CLDN14: variants seen among roughly 807,000 people sequenced by gnomAD.
CLDN14 encodes claudin 14, also known as claudin-14.
A neutral mutation model predicts 2.1 loss-of-function variants in CLDN14; 2 were observed. That is an observed-to-expected ratio of 0.96 (90% CI 0.39 to 3.01). The LOEUF is 3.01. CLDN14 is among the 30% of genes most tolerant of loss of function. CLDN14 has a pLI of 0.09. For missense variants in CLDN14, 298 were observed against 328.0 expected (o/e 0.91, Z 0.71); for synonymous variants, 136 against 154.4 (o/e 0.88, Z 0.88).
rs117833343 is a variant in CLDN14, at chr21:36,486,628, G to T, written c.-82+23735C>A. 8.5e-3 allele frequency: 13,027 copies of T among 1,527,266 alleles called. 74 individuals carry two copies. The highest frequency in any genetic ancestry group is 0.01 in the Non-Finnish European group (11,353 of 1,100,666). 94.6% of individuals were successfully genotyped at this position (1,527,266 alleles called of 1,614,324 possible). A position where few individuals can be genotyped will look rare whatever the true frequency, so the allele number is the denominator to read the frequency against. On this transcript the variant is annotated intron_variant, in intron 2 of 2. Coordinates refer to the CLDN14 transcript ENST00000342108. ...CGCTTCCATCTTTGCCATTCAACGT[G>T]TTTACAAAGGCTGTCAGCTTTTCTC...
chr21:36,530,771 G>A (rs1051205490), intron 1 of CLDN14, among the ~76,000 whole-genome samples: 2 of 152,122 alleles, frequency 1.3e-5, no homozygotes, highest in African/African-American at 2.4e-5. Flanking sequence ...AGATGTACCC[G>A]GGGGAGTTTG....
At position 36,498,042 on chromosome 21, in the gene CLDN14, C is replaced by T. The variant is rs1014058756; in HGVS notation, c.-82+12321G>A. Among the ~76,000 whole-genome samples the T allele has an allele frequency of 1.4e-4, 21 of 151,904 alleles. No individual in the cohort carries two copies. The highest frequency in any genetic ancestry group is 2.1e-4 in the Non-Finnish European group (14 of 68,008). The stretch of plus-strand genomic sequence containing the variant: ...TGAGATGGAGTTTTGCTCTGTTGCC[C>T]AGGCTGGAGTGCAGTGGTGCAATCT... On this transcript the variant is annotated intron_variant, in intron 2 of 2. Coordinates refer to the CLDN14 transcript ENST00000342108. The surrounding 1 kb of genome is among the most constrained non-coding windows in gnomAD (Gnocchi z 4.9).
chr21:36,541,497 T>C (rs2087487963), intron 1 of CLDN14, among the ~76,000 whole-genome samples: 1 of 152,170 alleles, frequency 6.6e-6, no homozygotes, highest in South Asian at 2.1e-4. Flanking sequence ...AAAGGGAAAG[T>C]TGAGTTTTAT....
chr21:36,486,066 C>T, intron 2 of CLDN14: 2 of 1,405,872 alleles, frequency 1.4e-6, no homozygotes, highest in South Asian at 1.2e-5. Flanking sequence ...TTTCAAATGG[C>T]TTCATTGTTG....
intron 1 of CLDN14, among the ~76,000 whole-genome samples, chr21:36,563,905 T>C (rs1259780554): frequency 1.3e-5 from 2 of 152,224 alleles, no homozygotes; most frequent in African/African-American, 2.4e-5. Context: ...ATTTGAATTA[T>C]GTTATCAAAA....
intron 1 of CLDN14, among the ~76,000 whole-genome samples, chr21:36,519,109 AG>A (rs1407244129): frequency 6.6e-6 from 1 of 152,192 alleles, no homozygotes; most frequent in Non-Finnish European, 1.5e-5. Flanking sequence ...CAGAACAGGA[AG>A]GGGTCATCTA....
intron 1 of CLDN14, among the ~76,000 whole-genome samples, chr21:36,519,730 C>CAA (rs886303536): frequency 3.2e-4 from 35 of 108,280 alleles, no homozygotes; most frequent in African/African-American, 9.9e-4. Flanking sequence ...ACAACAACAA[C>CAA]AACAAAACCC....
In CLDN14 at chr21:36,486,449, A is replaced by C. The variant is rs142812656; in HGVS notation, c.-82+23914T>G. 5.1e-5 allele frequency: 77 copies of C among 1,504,026 alleles called. No individual in the cohort carries two copies. The African/African-American group carries it at 9.7e-4, about 19-fold the overall frequency. The allele number at this position is 1,504,026 out of a possible 1,614,324, so 93.2% of individuals were successfully genotyped here. On this transcript the variant is annotated intron_variant, in intron 2 of 2. Coordinates refer to the CLDN14 transcript ENST00000342108. ...GCTCCTCCATAGAAACCCGAGGGCC[A>C]AGGCCAGCTGAGGATCAGCACTGGG...
intron 1 of CLDN14, among the ~76,000 whole-genome samples, chr21:36,558,555 A>G (rs1317935847): frequency 6.6e-6 from 1 of 152,208 alleles, no homozygotes; most frequent in Admixed American, 6.5e-5. Flanking sequence ...TTATAAAGAC[A>G]GGAAAGGAAT....
In CLDN14 at chr21:36,506,064, A is replaced by G. The variant is rs557502273; in HGVS notation, c.-82+4299T>C. On this transcript the variant is annotated intron_variant, in intron 2 of 2. Coordinates refer to the CLDN14 transcript ENST00000342108. ...ACTCCTAAAGTAAGCAAAGACATAA[A>G]TAATACAGGATTCAATACTCTCTGG... Among the ~76,000 whole-genome samples the G allele has an allele frequency of 2.6e-5, 4 of 152,354 alleles. No homozygotes were observed. In the East Asian group the frequency reaches 7.7e-4, roughly 29 times the overall value.
intron 1 of CLDN14, among the ~76,000 whole-genome samples, chr21:36,553,682 C>A (rs530123426): frequency 1.3e-5 from 2 of 151,942 alleles, no homozygotes; most frequent in African/African-American, 4.8e-5. Context: ...CTGACATTGG[C>A]GGTCTCACTG....
rs143849495 is a variant in CLDN14, at chr21:36,495,840, C to T, written c.-82+14523G>A. Among the ~76,000 whole-genome samples, 132 of 152,268 alleles carry T rather than the reference C, an allele frequency of 8.7e-4. No homozygotes were observed. The Middle Eastern group carries it at 0.017, about 20-fold the overall frequency. ...GATTAGGGTGGTCCCTACACCAATG[C>T]CACTGGTGTCCTTATAAGAGCAGAG... On this transcript the variant is annotated intron_variant, in intron 2 of 2. Coordinates refer to the CLDN14 transcript ENST00000342108.
chr21:36,468,195 C>T (rs1222088547), intron 1 of CLDN14, among the ~76,000 whole-genome samples: 1 of 152,198 alleles, frequency 6.6e-6, no homozygotes, highest in Non-Finnish European at 1.5e-5. Flanking sequence ...TGATGTTCAG[C>T]CACTTCAGAA....
chr21:36,554,854 G>A lies in CLDN14; in HGVS notation c.-220+21557C>T, dbSNP rs546261286. Among the ~76,000 whole-genome samples, 4 of 152,300 alleles carry A rather than the reference G, an allele frequency of 2.6e-5. No homozygotes were observed. In the South Asian group the frequency reaches 8.3e-4, roughly 32 times the overall value. Reference sequence around the variant, plus strand: ...CTGCCTCTGCAGCACTGACAGGCCTGGGAAGGGTCTGCAAAGTCTGATGGT... The same window carrying A: ...CTGCCTCTGCAGCACTGACAGGCCTAGGAAGGGTCTGCAAAGTCTGATGGT... On this transcript the variant is annotated intron_variant, in intron 1 of 2. Coordinates refer to the CLDN14 transcript ENST00000342108.
Position 36,539,484 on chromosome 21 carries a change from ATGTG to A in CLDN14, c.-219-28988_-219-28985del, listed in dbSNP as rs374017154. 3.3e-3 allele frequency among the ~76,000 whole-genome samples: 207 copies of A among 63,044 alleles called. No individual in the cohort carries two copies. The Middle Eastern group carries it at 0.068, about 21-fold the overall frequency. The allele number at this position is 63,044 out of a possible 152,430, so 41.4% of individuals were successfully genotyped here. ...TGTGTGTGGAGTGAATGTGTGGGGAATGTGTGTGTGTGCAGAGTGTGTGGAGTGA... is the reference window on the plus strand; with the variant it reads ...TGTGTGTGGAGTGAATGTGTGGGGAATGTGTGTGCAGAGTGTGTGGAGTGA... On this transcript the variant is annotated intron_variant, in intron 1 of 2. Transcript: ENST00000342108.
upstream of CLDN14, among the ~76,000 whole-genome samples, chr21:36,484,982 G>C (rs546260188): frequency 9.1e-4 from 138 of 152,064 alleles, 1 homozygote; most frequent in African/African-American, 3.2e-3. Flanking sequence ...AAAGTGCTGG[G>C]ATTACAGGCA....
chr21:36,464,898 T>C (rs2086625896), intron 1 of CLDN14, among the ~76,000 whole-genome samples: 1 of 152,160 alleles, frequency 6.6e-6, no homozygotes, highest in Non-Finnish European at 1.5e-5. Context: ...TTCAATGACA[T>C]AGGACTGAAG....
chr21:36,515,129 G>A (rs1426651767), intron 1 of CLDN14, among the ~76,000 whole-genome samples: 1 of 152,150 alleles, frequency 6.6e-6, no homozygotes, highest in Non-Finnish European at 1.5e-5. Context: ...ATGGTGCACC[G>A]ACTATGGAAA....
At chr21:36,565,234 T>C (rs1248002198) in intron 1 of CLDN14, among the ~76,000 whole-genome samples, 1 of 152,120 alleles carries the variant, frequency 6.6e-6, no homozygotes, top group African/African-American at 2.4e-5. Context: ...CATGTGAATT[T>C]GAGGTGCAGG....
Sources: gnomAD v4.1 joint callset for allele counts (sites outside exome capture counted in the v4.1 genomes callset) on GRCh38, gnomAD v4.1.1 for gene constraint, Gnocchi (gnomAD v3.1) non-coding constraint, MANE v1.5 for transcripts, NCBI Gene and HGNC (gene_info 2026-07-23, HGNC 2026-07-21) for gene names.